DOCK4: variants seen among roughly 807,000 people sequenced by gnomAD.
DOCK4 encodes the protein dedicator of cytokinesis protein 4.
DOCK4 carries 97 observed loss-of-function variants against 268.1 expected under a neutral mutation model. The ratio of observed to expected loss-of-function variants is 0.36; its 90% CI spans 0.31 to 0.43. DOCK4 has a LOEUF of 0.43. Ranked by LOEUF, DOCK4 falls within the 20% of genes least tolerant of loss-of-function variation. The pLI is 1.00. For synonymous variants in DOCK4, 954 were observed against 887.2 expected (o/e 1.08, Z -1.34); for missense variants, 2,145 against 2,455.7 (o/e 0.87, Z 2.67).
chr7:111,869,691 T>C (rs1388156273), intron 20 of DOCK4, 36 bp from the exon 21 acceptor site: 1 of 1,588,132 alleles, frequency 6.3e-7, no homozygotes, highest in Non-Finnish European at 8.6e-7. Flanking sequence ...AATGTAAAAT[T>C]GGTCTAATTC....
At chr7:111,973,671 A>C (rs1190862476) in intron 8 of DOCK4, among the ~76,000 whole-genome samples, 1 of 134,570 alleles carries the variant, frequency 7.4e-6, no homozygotes, top group African/African-American at 3.5e-5. Flanking sequence ...ATTCCTTTAG[A>C]GTTCCTTTTT....
rs531269750 is a variant in DOCK4, at chr7:112,134,959, G to T, written c.37+71143C>A. Among the ~76,000 whole-genome samples the T allele has an allele frequency of 3.9e-5, 6 of 152,012 alleles. 1 individual carries two copies. In the South Asian group the frequency reaches 1.2e-3, roughly 32 times the overall value. ...CCTTAACCAGTATTCACCTATGATT[G>T]CTATAAAATTTATTTCACCATTAAA... On this transcript the variant is annotated intron_variant, in intron 1 of 52. Coordinates refer to ENST00000428084, the MANE Select transcript of DOCK4 (RefSeq NM_001363540.2).
chr7:112,146,348 C>G (rs1001037768), intron 1 of DOCK4, among the ~76,000 whole-genome samples: 4 of 152,136 alleles, frequency 2.6e-5, no homozygotes, highest in African/African-American at 9.7e-5. Flanking sequence ...AACTTGATCC[C>G]CTCCTTCCTG....
chr7:112,004,165 T>A, intron 1 of DOCK4, 34 bp from the exon 2 acceptor site: 1 of 1,481,668 alleles, frequency 6.7e-7, no homozygotes, highest in Non-Finnish European at 9.2e-7. Flanking sequence ...ATGAAGACAA[T>A]CATGTCCATT....
intron 19 of DOCK4, 31 bp downstream of exon 19, chr7:111,872,238 T>A: frequency 6.8e-7 from 1 of 1,472,074 alleles, no homozygotes; most frequent in South Asian, 1.3e-5. Flanking sequence ...GACAAAACAG[T>A]TAAAATACAA....
Position 111,767,066 on chromosome 7 carries a change from C to A in DOCK4, c.3881G>T (p.Ser1294Ile). ...LCRKIAEQYE[S>I]YYDYRNLSKM... is the part of the protein sequence containing the mutation. Reference sequence around the variant, plus strand: ...GCTCAGGTTTCTGTAGTCATAATAACTCTCATACTGCTCTGCAATCTTCCG... The same window carrying A: ...GCTCAGGTTTCTGTAGTCATAATAAATCTCATACTGCTCTGCAATCTTCCG... Residue 1294 changes from serine to isoleucine, a missense_variant, in exon 38 of 53, where the codon AGT becomes ATT. Ser to Ile is a moderately radical substitution (Grantham distance 142, BLOSUM62 -2). Around this residue, in one of 2 missense-constraint regions of DOCK4, gnomAD observed 1,598 missense variants for 1,986.7 expected, o/e 0.80. Coordinates refer to ENST00000428084, the MANE Select transcript of DOCK4 (RefSeq NM_001363540.2). 6.2e-7 allele frequency: 1 copy of A among 1,613,796 alleles called. No homozygotes were observed. Among genetic ancestry groups the A allele is most frequent in the African/African-American group, 1.3e-5 (1 of 74,998 alleles).
chr7:111,873,430 G>A (rs138591658), intron 17 of DOCK4, among the ~76,000 whole-genome samples: 20 of 152,312 alleles, frequency 1.3e-4, no homozygotes, highest in Middle Eastern at 6.8e-3. Flanking sequence ...CGCGTGTGCC[G>A]AGCACGCGCA....
intron 1 of DOCK4, among the ~76,000 whole-genome samples, chr7:112,028,257 C>G (rs1470641073): frequency 1.3e-5 from 2 of 152,136 alleles, no homozygotes; most frequent in Non-Finnish European, 2.9e-5. Context: ...TTAATATGTT[C>G]AAAATCCAAG....
chr7:112,013,813 TCCCCTTTA>T (rs916889743), intron 1 of DOCK4, among the ~76,000 whole-genome samples: 255 of 145,250 alleles, frequency 1.8e-3, no homozygotes, highest in African/African-American at 6.8e-3. Context: ...ACTGCACCAA[TCCCCTTTA>T]AGTCCCTCCA....
intron 4 of DOCK4, among the ~76,000 whole-genome samples, chr7:111,995,484 G>C (rs938651754): frequency 3.5e-4 from 50 of 141,924 alleles, no homozygotes; most frequent in African/African-American, 1.3e-3. Context: ...TGGTTTAGTG[G>C]CTATTACTAC....
intron 27 of DOCK4, among the ~76,000 whole-genome samples, chr7:111,817,664 G>C (rs1801657966): frequency 6.6e-6 from 1 of 152,156 alleles, no homozygotes; most frequent in Non-Finnish European, 1.5e-5. Context: ...GCTTGCCCAA[G>C]GACATTGCTC....
intron 8 of DOCK4, among the ~76,000 whole-genome samples, chr7:111,974,173 A>G (rs1797951978): frequency 6.6e-6 from 1 of 152,264 alleles, no homozygotes; most frequent in East Asian, 1.9e-4. Context: ...TCATGCAGGG[A>G]CGGTGAACTG....
chr7:112,038,763 G>C (rs1804079140), intron 1 of DOCK4, among the ~76,000 whole-genome samples: 1 of 152,210 alleles, frequency 6.6e-6, no homozygotes, highest in Admixed American at 6.5e-5. Context: ...ACTCTGTTTG[G>C]TTCTAAGGAA....
intron 12 of DOCK4, among the ~76,000 whole-genome samples, chr7:111,934,319 A>G (rs1469658918): frequency 6.6e-6 from 1 of 152,170 alleles, no homozygotes; most frequent in Non-Finnish European, 1.5e-5. Context: ...TTACTAGTAC[A>G]ATACTATGTA....
rs1191592349 is a variant in DOCK4, at chr7:111,755,544, G to A, written c.4387C>T (p.Arg1463Cys). 5.0e-6 allele frequency: 8 copies of A among 1,613,724 alleles called. No individual in the cohort carries two copies. The highest frequency in any genetic ancestry group is 1.1e-5 in the South Asian group (1 of 91,064). The change falls in exon 42 of 53, where the codon CGC becomes TGC. Residue 1463 changes from arginine (R) to cysteine (C), a missense_variant. Arg to Cys is a radical substitution (Grantham distance 180, BLOSUM62 -3). This residue lies in a region of DOCK4 where 1,598 missense variants were observed against 1,986.7 expected (regional missense o/e 0.80). Coordinates refer to ENST00000428084, the MANE Select transcript of DOCK4 (RefSeq NM_001363540.2). ...YLVQSLPGISRWFEVEKREVV... is the reference protein window; with the variant it reads ...YLVQSLPGISCWFEVEKREVV... ...TCACGCTTTTCCACTTCAAACCAGC[G>A]AGAGATGCCAGGCAAACTCTGCACC...
intron 12 of DOCK4, among the ~76,000 whole-genome samples, chr7:111,929,121 T>C (rs1218136146): frequency 6.6e-6 from 1 of 152,142 alleles, no homozygotes; most frequent in African/African-American, 2.4e-5. Flanking sequence ...TAGATGTGTA[T>C]ATGTGTATAT....
intron 42 of DOCK4, among the ~76,000 whole-genome samples, chr7:111,749,219 C>A (rs1796474597): frequency 6.6e-6 from 1 of 152,136 alleles, no homozygotes; most frequent in Admixed American, 6.6e-5. Flanking sequence ...TTATTTGTAA[C>A]ACTAAACCTT....
intron 12 of DOCK4, among the ~76,000 whole-genome samples, chr7:111,923,303 C>T (rs745653821): frequency 4.1e-4 from 63 of 152,284 alleles, no homozygotes; most frequent in African/African-American, 1.1e-3. Flanking sequence ...CAGTTTCCCA[C>T]GGATACCAAG....
intron 1 of DOCK4, among the ~76,000 whole-genome samples, chr7:112,165,557 T>C (rs868164966): frequency 0.011 from 1,539 of 141,066 alleles, 25 homozygotes; most frequent in African/African-American, 0.035. Context: ...TGTGTGTGTG[T>C]GTGCGTGTGT....
Sources: gnomAD v4.1 joint callset for allele counts (sites outside exome capture counted in the v4.1 genomes callset) on GRCh38, gnomAD v4.1.1 for gene constraint, gnomAD v4.1.1 regional missense constraint, MANE v1.5 for transcripts, NCBI Gene and HGNC (gene_info 2026-07-23, HGNC 2026-07-21) for gene names.